Variants in JCAD observed in about 807,000 individuals in gnomAD.
JCAD encodes junctional cadherin 5 associated.
JCAD carries 40 observed loss-of-function variants against 98.0 expected under a neutral mutation model. The ratio of observed to expected loss-of-function variants is 0.41; its 90% CI spans 0.32 to 0.53. JCAD has a LOEUF of 0.53. Ranked by LOEUF, JCAD falls within the 20% of genes least tolerant of loss-of-function variation. The probability of loss-of-function intolerance (pLI) is 0.31; values close to 1 mark genes in which losing one functional copy is unlikely to be tolerated. For missense variants in JCAD, 1,705 were observed against 1,738.1 expected (o/e 0.98, Z 0.34); for synonymous variants, 691 against 682.3 (o/e 1.01, Z -0.20).
upstream of JCAD, chr10:30,059,662 G>T: frequency 6.6e-6 from 1 of 152,434 alleles, no homozygotes; most frequent in South Asian, 1.9e-4. This position sits in a 1 kb window ranked among gnomAD's most constrained non-coding sequence, Gnocchi z 5.0. Flanking sequence ...TCTGCGCTGA[G>T]GGCGGTATCC....
chr10:30,019,075 G>A (rs550628664), intron 3 of JCAD, among the ~76,000 whole-genome samples: 1 of 152,196 alleles, frequency 6.6e-6, no homozygotes, highest in Non-Finnish European at 1.5e-5. Flanking sequence ...AAATTATATA[G>A]CCGGGCACAG....
At chr10:30,079,551 G>T (rs1838043135) in intron 1 of JCAD, among the ~76,000 whole-genome samples, 1 of 152,222 alleles carries the variant, frequency 6.6e-6, no homozygotes, top group Non-Finnish European at 1.5e-5. Context: ...TCTAGGCAGA[G>T]AATCTTTGTA....
intron 2 of JCAD, among the ~76,000 whole-genome samples, chr10:30,039,396 G>A (rs1274231862): frequency 2.0e-5 from 3 of 152,258 alleles, no homozygotes; most frequent in African/African-American, 7.2e-5. Flanking sequence ...CACCTGATGG[G>A]TGGGCAGCTG....
chr10:30,034,626 C>T (rs1837075296), intron 2 of JCAD, among the ~76,000 whole-genome samples: 1 of 152,154 alleles, frequency 6.6e-6, no homozygotes, highest in African/African-American at 2.4e-5. Context: ...CCCTCCCTCC[C>T]CACTTTAGCT....
intron 2 of JCAD, among the ~76,000 whole-genome samples, chr10:30,034,815 T>C (rs907000332): frequency 7.2e-5 from 11 of 152,226 alleles, no homozygotes; most frequent in African/African-American, 2.4e-4. Context: ...AAAACTACCA[T>C]GTAATAAGGC....
At chr10:30,068,210 A>G (rs11007886) in intron 2 of JCAD, among the ~76,000 whole-genome samples, 29,114 of 151,716 alleles carry the variant, frequency 0.19, 3,265 homozygotes, top group East Asian at 0.31. Context: ...CCAACATGGC[A>G]AAACCCCATG....
At chr10:30,082,702 T>C (rs899986013) in intron 1 of JCAD, among the ~76,000 whole-genome samples, 1 of 151,796 alleles carries the variant, frequency 6.6e-6, no homozygotes, top group Non-Finnish European at 1.5e-5. Context: ...AAACACAAAA[T>C]TGGCCGGGTA....
Position 30,028,050 on chromosome 10 carries a change from G to T in JCAD, c.2098C>A (p.Gln700Lys), listed in dbSNP as rs1480020933. The stretch of plus-strand genomic sequence containing the variant: ...GCACCAGGGAGCAGCTGCGAACTTT[G>T]GGGCTCCTCGGAGAAACTGGTTTGT... ...QTQTSFSEEP[Q>K]SSQLLPGAKL... The change falls in exon 3 of 4, where the codon CAA becomes AAA. Residue 700 changes from glutamine (Q) to lysine (K), a missense_variant. Physicochemically the swap from Gln to Lys is moderately conservative, Grantham distance 53. Around this residue, in one of 3 missense-constraint regions of JCAD, gnomAD observed 1,278 missense variants for 1,243.1 expected, o/e 1.03. Coordinates refer to ENST00000375377, the MANE Select transcript of JCAD (RefSeq NM_020848.4). The T allele has an allele frequency of 1.2e-6, 2 of 1,614,214 alleles. No individual in the cohort carries two copies. The highest frequency in any genetic ancestry group is 2.2e-5 in the South Asian group (2 of 91,084).
intron 3 of JCAD, among the ~76,000 whole-genome samples, chr10:30,020,866 C>T (rs1265903961): frequency 2.0e-5 from 3 of 152,200 alleles, no homozygotes; most frequent in Non-Finnish European, 2.9e-5. Context: ...CACACTTCGG[C>T]TAGTGGGAGC....
chr10:30,021,492 A>G (rs1417613696), intron 3 of JCAD, among the ~76,000 whole-genome samples: 3 of 152,336 alleles, frequency 2.0e-5, no homozygotes, highest in South Asian at 2.1e-4. Flanking sequence ...ATGCCCAACC[A>G]TCATTATTTT....
At chr10:30,082,411 G>A (rs532560949) in intron 1 of JCAD, among the ~76,000 whole-genome samples, 38 of 152,210 alleles carry the variant, frequency 2.5e-4, no homozygotes, top group African/African-American at 8.7e-4. Flanking sequence ...AAACCTAATT[G>A]AAAGTATATT....
At chr10:30,114,578 TAA>T (rs11360136) in intron 1 of JCAD, among the ~76,000 whole-genome samples, 6,574 of 124,630 alleles carry the variant, frequency 0.053, 214 homozygotes, top group African/African-American at 0.11. Flanking sequence ...ACAGCACAAT[TAA>T]AAAAAAAAAA....
chr10:30,047,734 G>A lies in JCAD; in HGVS notation c.79C>T (p.Pro27Ser), dbSNP rs980444310. 23 of 1,614,214 alleles carry A rather than the reference G, an allele frequency of 1.4e-5. No individual in the cohort carries two copies. The highest frequency in any genetic ancestry group is 1.8e-5 in the Non-Finnish European group (21 of 1,180,040). ...RDPPASREDN[P>S]KGRQAARTGT... Reference sequence around the variant, plus strand: ...GTCCTCGCTGCCTGGCGCCCCTTGGGGTTATCCTCGCGTGATGCTGGGGGG... The same window carrying A: ...GTCCTCGCTGCCTGGCGCCCCTTGGAGTTATCCTCGCGTGATGCTGGGGGG... Residue 27 changes from proline to serine, a missense_variant, in exon 2 of 4, where the codon CCC becomes TCC. Pro to Ser is a moderately conservative substitution (Grantham distance 74). Around this residue, in one of 3 missense-constraint regions of JCAD, gnomAD observed 152 missense variants for 148.0 expected, o/e 1.03. Coordinates refer to ENST00000375377, the MANE Select transcript of JCAD (RefSeq NM_020848.4).
intron 2 of JCAD, among the ~76,000 whole-genome samples, chr10:30,038,807 G>A (rs1314138684): frequency 1.3e-5 from 2 of 152,018 alleles, no homozygotes; most frequent in Non-Finnish European, 2.9e-5. Flanking sequence ...ATAGGTCCAT[G>A]TGGAAGGAGA....
intron 1 of JCAD, among the ~76,000 whole-genome samples, chr10:30,106,481 A>T (rs1247522510): frequency 6.6e-6 from 1 of 151,946 alleles, no homozygotes; most frequent in Non-Finnish European, 1.5e-5. Context: ...GAACTTTGTC[A>T]CTGTGAAGCC....
chr10:30,027,657 A>C lies in JCAD; in HGVS notation c.2491T>G (p.Leu831Val). The change falls in exon 3 of 4, where the codon TTG (leucine) becomes GTG (valine). Residue 831 changes from leucine to valine, a missense_variant. Around this residue, in one of 3 missense-constraint regions of JCAD, gnomAD observed 1,278 missense variants for 1,243.1 expected, o/e 1.03. Coordinates refer to ENST00000375377, the MANE Select transcript of JCAD (RefSeq NM_020848.4). ...LKPVSRRPWD[L>V]ISQLESFNKE... is the part of the protein sequence containing the mutation. The stretch of plus-strand genomic sequence containing the variant: ...TTAAAACTTTCTAACTGACTGATCA[A>C]ATCCCAGGGACGACGGCTGACCGGT... 6.2e-7 allele frequency: 1 copy of C among 1,614,222 alleles called. No individual in the cohort carries two copies. The highest frequency in any genetic ancestry group is 1.1e-5 in the South Asian group (1 of 91,088).
At chr10:30,104,210 C>T (rs1033450323) in intron 1 of JCAD, among the ~76,000 whole-genome samples, 4 of 152,130 alleles carry the variant, frequency 2.6e-5, no homozygotes, top group Non-Finnish European at 5.9e-5. Context: ...GAGAGTGAAG[C>T]AATTTCACAA....
At position 30,084,211 on chromosome 10, in the gene JCAD, G is replaced by A. The variant is rs147506582; in HGVS notation, n.129-14390C>T. On this transcript the variant is annotated intron_variant and non_coding_transcript_variant, in intron 1 of 2. Coordinates refer to the JCAD transcript ENST00000465712. ...GAGGGAGGGAGAGAAGGAAAGAAAG[G>A]GAAGGAAGGAAGAAAGGAAGAAAGG... 2.1e-4 allele frequency among the ~76,000 whole-genome samples: 32 copies of A among 151,410 alleles called. No individual in the cohort carries two copies. In the East Asian group the frequency reaches 6.2e-3, roughly 29 times the overall value.
upstream of JCAD, among the ~76,000 whole-genome samples, chr10:30,063,425 A>G (rs933046595): frequency 6.6e-6 from 1 of 152,140 alleles, no homozygotes; most frequent in African/African-American, 2.4e-5. Flanking sequence ...AATAAAAGCC[A>G]AGATCTTGTT....
Sources: gnomAD v4.1 joint callset for allele counts (sites outside exome capture counted in the v4.1 genomes callset) on GRCh38, gnomAD v4.1.1 for gene constraint, gnomAD v4.1.1 regional missense constraint, Gnocchi (gnomAD v3.1) non-coding constraint, MANE v1.5 for transcripts, NCBI Gene and HGNC (gene_info 2026-07-23, HGNC 2026-07-21) for gene names.